SGF29: variants seen among roughly 807,000 people sequenced by gnomAD.
SGF29 encodes the protein SAGA-associated factor 29.
In SGF29, 15 loss-of-function variants were observed where a neutral mutation model predicts 38.1. That is an observed-to-expected ratio of 0.39 (90% confidence interval 0.26 to 0.61). The LOEUF (loss-of-function observed/expected upper bound fraction) is 0.61, where lower values mean the gene tolerates loss of function less well. Among genes scored for constraint, SGF29 ranks in the 20% least tolerant of loss-of-function variants. The probability of loss-of-function intolerance (pLI) is 0.49; values close to 1 mark genes in which losing one functional copy is unlikely to be tolerated. For missense variants in SGF29, 184 were observed against 394.6 expected (o/e 0.47, Z 4.52); for synonymous variants, 151 against 160.8 (o/e 0.94, Z 0.46).
chr16:28,584,962 A>G lies in SGF29; in HGVS notation c.125A>G (p.His42Arg), dbSNP rs1208227189. The G allele has an allele frequency of 6.2e-7, 1 of 1,613,864 alleles. No homozygotes were observed. Among genetic ancestry groups the G allele is most frequent in the Non-Finnish European group, 8.5e-7 (1 of 1,179,940 alleles). Residue 42 changes from histidine to arginine, a missense_variant, in exon 3 of 10, where the codon CAT becomes CGT. By Grantham distance (29) the His-to-Arg change is conservative. Around this residue, in one of 2 missense-constraint regions of SGF29, gnomAD observed 77 missense variants for 117.7 expected, o/e 0.65. Coordinates refer to ENST00000317058, the MANE Select transcript of SGF29 (RefSeq NM_138414.3). ...EHNLVNIQKT[H>R]ERMQTENKIS... ...AACTTAGTGAACATCCAGAAGACCC[A>G]TGAGCGGATGCAGACAGAGAACAAG...
chr16:28,562,628 A>G (rs991838250), intron 1 of SGF29, among the ~76,000 whole-genome samples: 1 of 152,130 alleles, frequency 6.6e-6, no homozygotes, highest in Non-Finnish European at 1.5e-5. Flanking sequence ...TTGGCCGCTC[A>G]TGGTGACTCA....
intron 5 of SGF29, 132 bp downstream of exon 5, chr16:28,589,296 C>T (rs909450006): frequency 2.9e-4 from 244 of 847,534 alleles, no homozygotes; most frequent in Middle Eastern, 1.0e-3. Context: ...CTCTGGCAGA[C>T]TGGCTCTACC....
chr16:28,576,289 C>A (rs1407809634), intron 1 of SGF29, among the ~76,000 whole-genome samples: 1 of 152,024 alleles, frequency 6.6e-6, no homozygotes, highest in Non-Finnish European at 1.5e-5. Flanking sequence ...GGAAAGATAA[C>A]CATCGGGTAC....
chr16:28,568,417 A>G (rs1236247262), intron 1 of SGF29, among the ~76,000 whole-genome samples: 1 of 151,850 alleles, frequency 6.6e-6, no homozygotes, highest in Non-Finnish European at 1.5e-5. Flanking sequence ...ACTATAGGAT[A>G]TGAGAAATTA....
intron 1 of SGF29, among the ~76,000 whole-genome samples, chr16:28,564,765 A>ATATATG (rs1567286203): frequency 1.2e-4 from 7 of 58,806 alleles, no homozygotes; most frequent in Admixed American, 4.4e-4. Flanking sequence ...GTATATATGT[A>ATATATG]TATATATGTA....
intron 1 of SGF29, among the ~76,000 whole-genome samples, chr16:28,574,101 G>T (rs1353309568): frequency 6.6e-6 from 1 of 152,164 alleles, no homozygotes; most frequent in Non-Finnish European, 1.5e-5. Flanking sequence ...TTAAGAATTC[G>T]ACTTGGGCAC....
At chr16:28,586,676 A>G (rs1166272520) in intron 4 of SGF29, among the ~76,000 whole-genome samples, 2 of 152,116 alleles carry the variant, frequency 1.3e-5, no homozygotes, top group Non-Finnish European at 2.9e-5. Context: ...GAGCTCCAAC[A>G]TTGGTATTAA....
At chr16:28,558,104 T>G (rs1319630468) in intron 1 of SGF29, among the ~76,000 whole-genome samples, 2 of 146,800 alleles carry the variant, frequency 1.4e-5, no homozygotes, top group Non-Finnish European at 3.0e-5. Context: ...CCACCACACC[T>G]GGGTACTTTT....
intron 3 of SGF29, 103 bp from the exon 4 acceptor site, chr16:28,585,545 G>C: frequency 9.5e-7 from 1 of 1,047,488 alleles, no homozygotes; most frequent in African/African-American, 1.6e-5. Context: ...TGCAGCTACG[G>C]CCTCTCTGTG....
intron 2 of SGF29, among the ~76,000 whole-genome samples, chr16:28,584,379 A>G (rs17640009): frequency 0.32 from 48,872 of 151,770 alleles, 8,698 homozygotes; most frequent in Non-Finnish European, 0.38. Flanking sequence ...TGAGGGCCAT[A>G]GCCGGGCGCC....
intron 1 of SGF29, among the ~76,000 whole-genome samples, chr16:28,580,438 GT>G: frequency 1.3e-5 from 2 of 152,220 alleles, no homozygotes. Context: ...AGACGGGGCC[GT>G]TACTCCGCGC....
intron 1 of SGF29, among the ~76,000 whole-genome samples, chr16:28,567,529 A>G (rs1289194232): frequency 1.3e-5 from 2 of 152,208 alleles, no homozygotes; most frequent in African/African-American, 4.8e-5. Context: ...ATACCTGAAG[A>G]TATGGAAGCA....
At chr16:28,557,042 T>TA (rs558804150) in intron 1 of SGF29, among the ~76,000 whole-genome samples, 40 of 152,332 alleles carry the variant, frequency 2.6e-4, no homozygotes, top group Admixed American at 5.9e-4. Flanking sequence ...ACAAAGCTCT[T>TA]ACTGTTTTAA....
chr16:28,581,200 C>G, intron 2 of SGF29, 56 bp downstream of exon 2: 1 of 1,513,104 alleles, frequency 6.6e-7, no homozygotes. Context: ...GATGCTGAGC[C>G]GTGAAGTGGG....
chr16:28,566,089 C>T lies in SGF29; in HGVS notation c.-16+11992C>T, dbSNP rs549479683. On this transcript the variant is annotated intron_variant, in intron 1 of 9. Coordinates refer to ENST00000317058, the MANE Select transcript of SGF29 (RefSeq NM_138414.3). ...GAGATCGAGACCATCCTGGCTAACACGGTGAAACCCCGTCTCTACTAAAAA... is the reference window on the plus strand; with the variant it reads ...GAGATCGAGACCATCCTGGCTAACATGGTGAAACCCCGTCTCTACTAAAAA... Among the ~76,000 whole-genome samples the T allele has an allele frequency of 5.4e-4, 81 of 151,096 alleles. 2 individuals are homozygous for T. The East Asian group carries it at 0.014, about 26-fold the overall frequency.
chr16:28,590,265 G>A lies in SGF29; in HGVS notation c.420-31G>A. 6.2e-7 allele frequency: 1 copy of A among 1,608,334 alleles called. No homozygotes were observed. ...TGCGAGGGAGGGGCTGGTGCCCAGG[G>A]GCTGGGACTGACCCTTTGTTCCACT... On this transcript the variant is annotated intron_variant, in intron 6 of 9. Coordinates refer to ENST00000317058, the MANE Select transcript of SGF29 (RefSeq NM_138414.3). The surrounding 1 kb of genome is among the most constrained non-coding windows in gnomAD (Gnocchi z 8.2).
At chr16:28,566,964 C>T (rs1440041789) in intron 1 of SGF29, among the ~76,000 whole-genome samples, 3 of 152,074 alleles carry the variant, frequency 2.0e-5, no homozygotes, top group Admixed American at 2.0e-4. Flanking sequence ...GCCACCGTAC[C>T]CCACCAGTTA....
chr16:28,565,164 G>A (rs1375477118), intron 1 of SGF29, among the ~76,000 whole-genome samples: 1 of 152,148 alleles, frequency 6.6e-6, no homozygotes, highest in Non-Finnish European at 1.5e-5. Flanking sequence ...CTTTGTGCCA[G>A]CCATGCTGGC....
chr16:28,564,802 CACACAA>C (rs2046826854), intron 1 of SGF29, among the ~76,000 whole-genome samples: 1 of 137,734 alleles, frequency 7.3e-6, no homozygotes, highest in Non-Finnish European at 1.5e-5. Context: ...CACACACACA[CACACAA>C]ACACACACAC....
Sources: gnomAD v4.1 joint callset for allele counts (sites outside exome capture counted in the v4.1 genomes callset) on GRCh38, gnomAD v4.1.1 for gene constraint, gnomAD v4.1.1 regional missense constraint, Gnocchi (gnomAD v3.1) non-coding constraint, MANE v1.5 for transcripts, NCBI Gene and HGNC (gene_info 2026-07-23, HGNC 2026-07-21) for gene names.